Variants in DSCAM observed in about 807,000 individuals in gnomAD.
DSCAM encodes DS cell adhesion molecule, also known as cell adhesion molecule DSCAM.
In DSCAM, 47 loss-of-function variants were observed where a neutral mutation model predicts 217.7. The observed-to-expected ratio is 0.22, with a 90% CI of 0.17 to 0.28. The LOEUF (loss-of-function observed/expected upper bound fraction) is 0.28. Ranked by LOEUF, DSCAM falls within the 10% of genes least tolerant of loss-of-function variation. The probability of loss-of-function intolerance (pLI) is 1.00; values close to 1 mark genes in which losing one functional copy is unlikely to be tolerated. For missense variants in DSCAM, 2,080 were observed against 2,618.3 expected, an observed-to-expected ratio of 0.79 and a Z score of 4.49; for synonymous variants, 1,056 against 1,015.3, an observed-to-expected ratio of 1.04 and a Z score of -0.76.
intron 3 of DSCAM, among the ~76,000 whole-genome samples, chr21:40,407,819 A>T (rs760122): frequency 6.6e-6 from 1 of 152,094 alleles, no homozygotes; most frequent in Non-Finnish European, 1.5e-5. Context: ...CTGTCCCAAA[A>T]ACTTATTAAT....
intron 1 of DSCAM, among the ~76,000 whole-genome samples, chr21:40,760,082 C>G (rs2091316762): frequency 6.6e-6 from 1 of 151,928 alleles, no homozygotes; most frequent in Non-Finnish European, 1.5e-5. Flanking sequence ...CAACCTCCAC[C>G]CCCCAGGTTC....
intron 1 of DSCAM, among the ~76,000 whole-genome samples, chr21:40,819,025 G>A (rs376190432): frequency 1.3e-5 from 2 of 152,164 alleles, no homozygotes; most frequent in East Asian, 1.9e-4. Context: ...GAGCCCATTT[G>A]CGTAACAGCC....
rs185758053 is a variant in DSCAM, at chr21:40,284,780, C to A, written c.2183-8510G>T. On this transcript the variant is annotated intron_variant, in intron 10 of 32. Coordinates refer to ENST00000400454, the MANE Select transcript of DSCAM (RefSeq NM_001389.5). Reference sequence around the variant, plus strand: ...ATGCCCCTAATTCCCTTTATTAAATCCCTTCTTGATAACACACCACACCAT... The same window carrying A: ...ATGCCCCTAATTCCCTTTATTAAATACCTTCTTGATAACACACCACACCAT... Among the ~76,000 whole-genome samples the A allele has an allele frequency of 4.1e-3, 617 of 152,298 alleles. 5 individuals carry two copies. The highest frequency in any genetic ancestry group is 0.014 in the African/African-American group (578 of 41,566).
chr21:40,790,275 G>A (rs1209155914), intron 1 of DSCAM, among the ~76,000 whole-genome samples: 1 of 150,078 alleles, frequency 6.7e-6, no homozygotes, highest in East Asian at 2.0e-4. Flanking sequence ...TCCACCTCCC[G>A]GGTTCAAGCA....
intron 11 of DSCAM, among the ~76,000 whole-genome samples, chr21:40,218,764 T>C (rs115072207): frequency 5.3e-5 from 8 of 152,194 alleles, no homozygotes; most frequent in African/African-American, 1.7e-4. Flanking sequence ...GTGAATGGGA[T>C]TGCCTTTCTA....
intron 3 of DSCAM, among the ~76,000 whole-genome samples, chr21:40,492,515 A>G (rs575838136): frequency 3.7e-4 from 57 of 152,206 alleles, no homozygotes; most frequent in African/African-American, 1.4e-3. Context: ...ATAAATGATC[A>G]ATATTAGAAA....
intron 3 of DSCAM, among the ~76,000 whole-genome samples, chr21:40,421,451 C>T (rs893682477): frequency 2.0e-5 from 3 of 152,240 alleles, no homozygotes; most frequent in Non-Finnish European, 4.4e-5. Context: ...CACTTCTTAG[C>T]ATGCTCCTTT....
chr21:40,600,365 A>G (rs1322403173), intron 3 of DSCAM, among the ~76,000 whole-genome samples: 2 of 152,146 alleles, frequency 1.3e-5, no homozygotes, highest in Non-Finnish European at 2.9e-5. Context: ...CTACGTCCTC[A>G]CATGGTGGAA....
At chr21:40,291,992 C>T (rs1181655637) in intron 10 of DSCAM, among the ~76,000 whole-genome samples, 1 of 152,098 alleles carries the variant, frequency 6.6e-6, no homozygotes, top group Non-Finnish European at 1.5e-5. Flanking sequence ...GACATACATG[C>T]AAGAGAATGG....
chr21:40,708,375 G>T, intron 2 of DSCAM, 79 bp downstream of exon 2: 1 of 1,209,284 alleles, frequency 8.3e-7, no homozygotes, highest in Non-Finnish European at 1.1e-6. Flanking sequence ...TGCTGTGATG[G>T]CATTTTGCTA....
intron 3 of DSCAM, among the ~76,000 whole-genome samples, chr21:40,631,803 T>TC (rs1285749804): frequency 6.6e-6 from 1 of 152,142 alleles, no homozygotes; most frequent in Admixed American, 6.5e-5. Flanking sequence ...GGAACCTCAC[T>TC]CCCCATGAGG....
Position 40,590,210 on chromosome 21 carries a change from C to G in DSCAM, c.508+102600G>C, listed in dbSNP as rs466774. Among the ~76,000 whole-genome samples the G allele has an allele frequency of 9.7e-3, 1,482 of 152,340 alleles. 12 individuals are homozygous for G. The highest frequency in any genetic ancestry group is 0.017 in the Non-Finnish European group (1,129 of 68,028). ...CTAGATTCATATCCCAGGTCTGCGA[C>G]TTACATGGAAGTATGTAAATATAAA... On this transcript the variant is annotated intron_variant, in intron 3 of 32. Transcript: ENST00000400454.
chr21:40,280,179 G>GT (rs2073740642), intron 10 of DSCAM, among the ~76,000 whole-genome samples: 1 of 111,866 alleles, frequency 8.9e-6, no homozygotes, highest in Non-Finnish European at 1.7e-5. Flanking sequence ...AGATTTTGGT[G>GT]CCTTTTTTTT....
intron 32 of DSCAM, among the ~76,000 whole-genome samples, chr21:40,037,802 C>T (rs184788441): frequency 0.01 from 1,076 of 103,646 alleles, no homozygotes; most frequent in South Asian, 0.015. Flanking sequence ...CAGCATGGTA[C>T]TGGTACCAAA....
Position 40,012,097 on chromosome 21 carries a change from A to G in DSCAM, c.*937T>C, listed in dbSNP as rs550998885. On this transcript the variant is annotated 3_prime_UTR_variant, in exon 33 of 33. Coordinates refer to ENST00000400454, the MANE Select transcript of DSCAM (RefSeq NM_001389.5). ...TATTTAAAAAACAGCAGGAGGCTGG[A>G]TTTGGCCCATAGGCCACAGTCAGTT... is the stretch of plus-strand genomic sequence containing the variant. 6.6e-6 allele frequency: 1 copy of G among 152,358 alleles called. No homozygotes were observed. Among genetic ancestry groups the G allele is most frequent in the South Asian group, 2.1e-4 (1 of 4,830 alleles). The allele number at this position is 152,358 out of a possible 1,614,324, so 9.4% of individuals were successfully genotyped here. A position where few individuals can be genotyped will look rare whatever the true frequency, so the allele number is the denominator to read the frequency against.
At chr21:40,272,591 C>T (rs182554805) in intron 11 of DSCAM, among the ~76,000 whole-genome samples, 456 of 152,244 alleles carry the variant, frequency 3.0e-3, no homozygotes, top group Non-Finnish European at 4.7e-3. Flanking sequence ...ACCCTCTGTG[C>T]AGGGTTCGCA....
intron 3 of DSCAM, among the ~76,000 whole-genome samples, chr21:40,462,367 G>A (rs1433062153): frequency 6.6e-6 from 1 of 152,136 alleles, no homozygotes; most frequent in Non-Finnish European, 1.5e-5. Flanking sequence ...AAATCTTAGA[G>A]CCATGGCTAA....
At chr21:40,042,743 TC>T in intron 31 of DSCAM, 70 bp from the exon 32 acceptor site, 11 of 1,451,918 alleles carry the variant, frequency 7.6e-6, no homozygotes, top group Non-Finnish European at 1.0e-5. Context: ...GCATGGCCCT[TC>T]CTGGCTTGGG....
chr21:40,359,745 C>T (rs2074737211), intron 4 of DSCAM, among the ~76,000 whole-genome samples: 1 of 152,138 alleles, frequency 6.6e-6, no homozygotes, highest in Non-Finnish European at 1.5e-5. Context: ...GAAAATGCAA[C>T]TCTACAGAGA....
Sources: gnomAD v4.1 joint callset for allele counts (sites outside exome capture counted in the v4.1 genomes callset) on GRCh38, gnomAD v4.1.1 for gene constraint, MANE v1.5 for transcripts, NCBI Gene and HGNC (gene_info 2026-07-23, HGNC 2026-07-21) for gene names.